Variants in CGNL1 observed in about 807,000 individuals in gnomAD.
CGNL1 encodes the protein cingulin like 1.
Under a neutral mutation model 141.2 loss-of-function variants are expected in CGNL1, and 132 were observed. The observed-to-expected ratio is 0.93, with a 90% CI of 0.81 to 1.08. The LOEUF (loss-of-function observed/expected upper bound fraction) is 1.08, where lower values mean the gene tolerates loss of function less well. Ranked by LOEUF, CGNL1 falls within the 50% of genes least tolerant of loss-of-function variation. The probability of loss-of-function intolerance (pLI) is 0.00; values close to 1 mark genes in which losing one functional copy is unlikely to be tolerated. For missense variants in CGNL1, 1,870 were observed against 1,588.6 expected (o/e 1.18, Z -3.01); for synonymous variants, 690 against 622.1 (o/e 1.11, Z -1.63).
At chr15:57,461,600 A>G in intron 7 of CGNL1, 80 bp from the exon 8 acceptor site, 1 of 1,168,124 alleles carries the variant, frequency 8.6e-7, no homozygotes. Context: ...GCACATGGGG[A>G]CTGAACTGGA....
chr15:57,428,194 C>T (rs1046997034), intron 1 of CGNL1, among the ~76,000 whole-genome samples: 12 of 152,196 alleles, frequency 7.9e-5, no homozygotes, highest in African/African-American at 2.7e-4. Flanking sequence ...GACATGGTGA[C>T]ATGCTGTGGT....
At chr15:57,470,308 ACT>A (rs1168787957) in intron 8 of CGNL1, among the ~76,000 whole-genome samples, 1 of 121,864 alleles carries the variant, frequency 8.2e-6, no homozygotes, top group Non-Finnish European at 1.6e-5. Flanking sequence ...TAGTTGTATA[ACT>A]CTTCTGCATC....
chr15:57,395,853 C>T (rs1372620566), intron 1 of CGNL1, among the ~76,000 whole-genome samples: 2 of 140,024 alleles, frequency 1.4e-5, no homozygotes, highest in Non-Finnish European at 3.2e-5. Flanking sequence ...ATGGTACGAA[C>T]CAAGTTAAAA....
chr15:57,542,202 G>A (rs1408311605), intron 14 of CGNL1, among the ~76,000 whole-genome samples: 3 of 152,218 alleles, frequency 2.0e-5, no homozygotes, highest in Non-Finnish European at 2.9e-5. Flanking sequence ...TTGTACAGGT[G>A]GCGAAATTCA....
chr15:57,488,171 C>A (rs372929141), intron 8 of CGNL1, among the ~76,000 whole-genome samples: 1 of 152,234 alleles, frequency 6.6e-6, no homozygotes, highest in East Asian at 1.9e-4. Flanking sequence ...AGTATCTTTT[C>A]ATGTGCTTAT....
intron 1 of CGNL1, among the ~76,000 whole-genome samples, chr15:57,403,635 A>G (rs1414404265): frequency 6.6e-6 from 1 of 152,328 alleles, no homozygotes; most frequent in South Asian, 2.1e-4. Flanking sequence ...GTGGCTGAAG[A>G]TTATTTGCTT....
At chr15:57,457,580 T>A (rs1472001376) in intron 7 of CGNL1, among the ~76,000 whole-genome samples, 2 of 152,208 alleles carry the variant, frequency 1.3e-5, no homozygotes, top group Non-Finnish European at 1.5e-5. Context: ...AGGGATTTAA[T>A]GTACTCACAG....
At chr15:57,492,352 C>T (rs1444265722) in intron 8 of CGNL1, among the ~76,000 whole-genome samples, 1 of 152,200 alleles carries the variant, frequency 6.6e-6, no homozygotes, top group African/African-American at 2.4e-5. Context: ...CAGGATTACA[C>T]TCCAATCCTA....
At position 57,498,895 on chromosome 15, in the gene CGNL1, A is replaced by C. The variant is rs543315519; in HGVS notation, c.2404-17885A>C. ...GTGAGGAGGAGGAGTGTGGTGTGAG[A>C]TGGGGCTGGAAGGGTACGTAGATGA... On this transcript the variant is annotated intron_variant, in intron 8 of 18. Coordinates refer to ENST00000281282, the MANE Select transcript of CGNL1 (RefSeq NM_032866.5). 5.3e-4 allele frequency among the ~76,000 whole-genome samples: 80 copies of C among 151,698 alleles called. 1 individual carries two copies. Among genetic ancestry groups the C allele is most frequent in the Admixed American group, 1.1e-3 (16 of 15,122 alleles).
chr15:57,502,549 A>T (rs1022092056), intron 8 of CGNL1, among the ~76,000 whole-genome samples: 12 of 152,224 alleles, frequency 7.9e-5, no homozygotes, highest in African/African-American at 1.4e-4. Context: ...GTTTTAATTT[A>T]TCTGGAGAAA....
At chr15:57,453,073 G>A (rs2152323881) in intron 6 of CGNL1, among the ~76,000 whole-genome samples, 1 of 152,310 alleles carries the variant, frequency 6.6e-6, no homozygotes, top group East Asian at 1.9e-4. Flanking sequence ...AGGTATAGTA[G>A]TTGTGAGTTT....
At chr15:57,417,202 C>T (rs1185682434) in intron 1 of CGNL1, among the ~76,000 whole-genome samples, 3 of 152,066 alleles carry the variant, frequency 2.0e-5, no homozygotes, top group Non-Finnish European at 2.9e-5. Context: ...GCACTAAATA[C>T]CTAATTGTTT....
In CGNL1 at chr15:57,438,670, T is replaced by C. The variant is rs753170639; in HGVS notation, c.671T>C (p.Ile224Thr). 1.2e-5 allele frequency: 19 copies of C among 1,614,044 alleles called. No individual in the cohort carries two copies. Among genetic ancestry groups the C allele is most frequent in the Non-Finnish European group, 1.5e-5 (18 of 1,180,046 alleles). The change falls in exon 2 of 19, where the codon ATA becomes ACA. Residue 224 changes from isoleucine (I) to threonine (T), a missense_variant. Coordinates refer to ENST00000281282, the MANE Select transcript of CGNL1 (RefSeq NM_032866.5). ...TAIRLCSSVV[I>T]EDPKKQTSVC... ...ATTCGTTTATGCAGCTCCGTGGTCA[T>C]AGAGGACCCCAAAAAGCAGACCTCA...
At chr15:57,535,656 A>G (rs192792176) in intron 14 of CGNL1, among the ~76,000 whole-genome samples, 64 of 152,322 alleles carry the variant, frequency 4.2e-4, no homozygotes, top group Non-Finnish European at 6.6e-4. Context: ...ATGAAAGGAG[A>G]TAAGTTTGAA....
At chr15:57,513,687 A>AT (rs1459512436) in intron 8 of CGNL1, among the ~76,000 whole-genome samples, 1 of 151,854 alleles carries the variant, frequency 6.6e-6, no homozygotes, top group African/African-American at 2.4e-5. Context: ...TGCCTGGCTA[A>AT]TTTTTTGTAT....
intron 8 of CGNL1, among the ~76,000 whole-genome samples, chr15:57,480,646 C>T (rs2063713929): frequency 6.6e-6 from 1 of 152,084 alleles, no homozygotes; most frequent in Non-Finnish European, 1.5e-5. Context: ...GGTCTTTGGG[C>T]AGGAGTTTGA....
At chr15:57,423,394 C>CT (rs2062937527) in intron 1 of CGNL1, among the ~76,000 whole-genome samples, 1 of 152,092 alleles carries the variant, frequency 6.6e-6, no homozygotes, top group Admixed American at 6.5e-5. Flanking sequence ...TCATACTGGG[C>CT]TGAAGGGGAA....
At chr15:57,401,811 A>C (rs767395677) in intron 1 of CGNL1, among the ~76,000 whole-genome samples, 18 of 152,042 alleles carry the variant, frequency 1.2e-4, no homozygotes, top group Non-Finnish European at 2.6e-4. Context: ...ATTTTTTTGG[A>C]GGGTGTACAG....
intron 8 of CGNL1, among the ~76,000 whole-genome samples, chr15:57,484,832 G>A (rs1040279238): frequency 6.6e-6 from 1 of 152,062 alleles, no homozygotes; most frequent in South Asian, 2.1e-4. Context: ...TCCTGTGTTA[G>A]TTTGCTGAGG....
Sources: gnomAD v4.1 joint callset for allele counts (sites outside exome capture counted in the v4.1 genomes callset) on GRCh38, gnomAD v4.1.1 for gene constraint, MANE v1.5 for transcripts, NCBI Gene and HGNC (gene_info 2026-07-23, HGNC 2026-07-21) for gene names.